Variants in TBC1D8 observed in about 807,000 individuals in gnomAD.
TBC1D8 encodes TBC1 domain family member 8.
A neutral mutation model predicts 118.8 loss-of-function variants in TBC1D8; 65 were observed. The ratio of observed to expected loss-of-function variants is 0.55; its 90% CI spans 0.45 to 0.67. The LOEUF (loss-of-function observed/expected upper bound fraction) is 0.67, where lower values mean the gene tolerates loss of function less well. TBC1D8 is among the 30% of genes least tolerant of loss of function. TBC1D8 has a pLI of 0.00. For missense variants in TBC1D8, 1,376 were observed against 1,471.2 expected (o/e 0.94, Z 1.06); for synonymous variants, 566 against 595.8 (o/e 0.95, Z 0.73).
At chr2:101,018,073 C>CCCAT in intron 17 of TBC1D8, 2 of 751,906 alleles carry the variant, frequency 2.7e-6, no homozygotes, top group Non-Finnish European at 4.2e-6. Context: ...ACAATCTAGG[C>CCCAT]TAATGGGACT....
At chr2:101,089,444 G>T (rs1675864458) in intron 2 of TBC1D8, among the ~76,000 whole-genome samples, 1 of 152,100 alleles carries the variant, frequency 6.6e-6, no homozygotes, top group South Asian at 2.1e-4. Context: ...AGATGTTTTG[G>T]TTTTGTTTTT....
chr2:101,061,697 GATCACAGA>G (rs1682762320), intron 2 of TBC1D8, among the ~76,000 whole-genome samples: 3 of 151,966 alleles, frequency 2.0e-5, no homozygotes, highest in Non-Finnish European at 2.9e-5. Context: ...GCTCTCCATG[GATCACAGA>G]AGTCCAAGCA....
Position 101,007,703 on chromosome 2 carries a change from A to C in TBC1D8, c.*118T>G. ...CTGGCCACAGTTTGTCAGGTTGTTTAGCCAGATGCCCCATTGGTAAGGTAG... is the reference window on the plus strand; with the variant it reads ...CTGGCCACAGTTTGTCAGGTTGTTTCGCCAGATGCCCCATTGGTAAGGTAG... On this transcript the variant is annotated 3_prime_UTR_variant, in exon 20 of 20. Transcript: ENST00000409318. 9.7e-7 allele frequency: 1 copy of C among 1,036,114 alleles called. No homozygotes were observed. The highest frequency in any genetic ancestry group is 1.6e-5 in the South Asian group (1 of 64,482). 64.2% of individuals were successfully genotyped at this position (1,036,114 alleles called of 1,614,324 possible).
intron 1 of TBC1D8, among the ~76,000 whole-genome samples, chr2:101,137,235 G>A (rs1377570476): frequency 6.6e-6 from 1 of 151,706 alleles, no homozygotes; most frequent in Non-Finnish European, 1.5e-5. Context: ...GTTTCACCAT[G>A]TTGGTCAGGC....
intron 1 of TBC1D8, among the ~76,000 whole-genome samples, chr2:101,123,084 C>T (rs1426357453): frequency 1.3e-5 from 2 of 152,096 alleles, no homozygotes; most frequent in South Asian, 2.1e-4. Context: ...TAAAACAGAG[C>T]AGGAAACTGG....
intron 1 of TBC1D8, among the ~76,000 whole-genome samples, chr2:101,097,350 C>T (rs777891409): frequency 6.6e-6 from 1 of 151,982 alleles, no homozygotes; most frequent in Non-Finnish European, 1.5e-5. Flanking sequence ...CATAGGTCAG[C>T]AACCGAAATT....
Position 101,095,706 on chromosome 2 carries a change from A to C in TBC1D8, c.128-5342T>G, listed in dbSNP as rs146965058. Among the ~76,000 whole-genome samples, 3 of 152,210 alleles carry C rather than the reference A, an allele frequency of 2.0e-5. No individual in the cohort carries two copies. In the East Asian group the frequency reaches 5.8e-4, roughly 29 times the overall value. On this transcript the variant is annotated intron_variant, in intron 1 of 19. Transcript: ENST00000409318. Reference sequence around the variant, plus strand: ...TGTGGTGATTCCTCAGGGATCTAGAACTAGAAATACCATTTGACCCAGCCA... The same window carrying C: ...TGTGGTGATTCCTCAGGGATCTAGACCTAGAAATACCATTTGACCCAGCCA...
intron 2 of TBC1D8, among the ~76,000 whole-genome samples, chr2:101,073,256 T>C (rs933387917): frequency 2.1e-5 from 3 of 142,698 alleles, no homozygotes; most frequent in South Asian, 2.1e-4. Flanking sequence ...ATCTACATTG[T>C]TTTATTTTTT....
chr2:101,141,228 T>C (rs1679086569), intron 1 of TBC1D8, among the ~76,000 whole-genome samples: 1 of 152,096 alleles, frequency 6.6e-6, no homozygotes, highest in Non-Finnish European at 1.5e-5. Context: ...TACAAAAACA[T>C]TAACAAGAGC....
intron 11 of TBC1D8, 104 bp downstream of exon 11, chr2:101,032,164 G>A: frequency 6.7e-6 from 7 of 1,044,224 alleles, no homozygotes; most frequent in Non-Finnish European, 1.0e-5. Flanking sequence ...CAGACTAGCT[G>A]AGTGGCACTG....
intron 1 of TBC1D8, among the ~76,000 whole-genome samples, chr2:101,137,726 C>T (rs78325362): frequency 0.083 from 12,660 of 152,214 alleles, 651 homozygotes; most frequent in Middle Eastern, 0.19. Flanking sequence ...GCATTTACCC[C>T]AGACAAGACA....
At chr2:101,018,189 A>G (rs752884894) in intron 17 of TBC1D8, 2 of 355,782 alleles carry the variant, frequency 5.6e-6, no homozygotes, top group Non-Finnish European at 1.0e-5. Context: ...TATGTTTTAG[A>G]ATTCAAATTA....
At chr2:101,136,579 C>T (rs942459010) in intron 1 of TBC1D8, among the ~76,000 whole-genome samples, 2 of 152,154 alleles carry the variant, frequency 1.3e-5, no homozygotes, top group African/African-American at 4.8e-5. Context: ...CAATTTGGAG[C>T]CTAAGTGAGC....
intron 1 of TBC1D8, among the ~76,000 whole-genome samples, chr2:101,129,182 C>T (rs1678479000): frequency 1.3e-5 from 2 of 152,136 alleles, no homozygotes; most frequent in South Asian, 4.2e-4. Context: ...TTCTGTCGCC[C>T]AGGTTGGAGT....
chr2:101,010,921 G>A lies in TBC1D8; in HGVS notation c.3015+8C>T. 1 of 1,598,686 alleles carries A rather than the reference G, an allele frequency of 6.3e-7. No individual in the cohort carries two copies. Among genetic ancestry groups the A allele is most frequent in the Non-Finnish European group, 8.5e-7 (1 of 1,169,894 alleles). ...AAGTTAATTCTCTGCACTGAAGAAA[G>A]TCCATACCTGGCTCATTTTGGGCAA... On this transcript the variant is annotated splice_region_variant and intron_variant, in intron 19 of 19. Coordinates refer to ENST00000409318, the MANE Select transcript of TBC1D8 (RefSeq NM_001330348.2).
intron 1 of TBC1D8, among the ~76,000 whole-genome samples, chr2:101,110,735 C>T (rs910116099): frequency 2.6e-5 from 4 of 151,992 alleles, no homozygotes; most frequent in South Asian, 4.2e-4. Flanking sequence ...CCAGCACTTT[C>T]GGAGGCGGGT....
At position 101,033,584 on chromosome 2, in the gene TBC1D8, G is replaced by T; in HGVS notation, c.1778C>A (p.Thr593Lys). 6.2e-7 allele frequency: 1 copy of T among 1,613,882 alleles called. No homozygotes were observed. Among genetic ancestry groups the T allele is most frequent in the African/African-American group, 1.3e-5 (1 of 74,998 alleles). The change falls in exon 10 of 20, where the codon ACG becomes AAG. Residue 593 changes from threonine (T) to lysine (K), a missense_variant. Coordinates refer to ENST00000409318, the MANE Select transcript of TBC1D8 (RefSeq NM_001330348.2). The stretch of plus-strand genomic sequence containing the variant: ...CTTGGGGTTCCGGTGGGCATAGGCC[G>T]TCAAGACTCTCCTCAAAGCAGCAAT... ...TGIAALRRVL[T>K]AYAHRNPKIG...
chr2:101,087,113 T>C (rs902199899), intron 2 of TBC1D8, among the ~76,000 whole-genome samples: 2 of 151,982 alleles, frequency 1.3e-5, no homozygotes, highest in Non-Finnish European at 2.9e-5. Context: ...GAAAGTTTAC[T>C]AATTTGTATT....
intron 15 of TBC1D8, among the ~76,000 whole-genome samples, chr2:101,024,402 ATT>A (rs34272976): frequency 9.1e-5 from 11 of 121,120 alleles, no homozygotes; most frequent in East Asian, 2.4e-4. Context: ...TGGGACTGTA[ATT>A]TTTTTTTTTT....
Sources: allele counts gnomAD v4.1 joint callset (sites outside exome capture counted in the v4.1 genomes callset), GRCh38; gene constraint gnomAD v4.1.1; transcripts MANE v1.5; gene names NCBI Gene and HGNC (gene_info 2026-07-23, HGNC 2026-07-21).